Variants in DMD observed in about 807,000 individuals in gnomAD.
The protein encoded by DMD is mutant dystrophin.
A neutral mutation model predicts 330.1 loss-of-function variants in DMD; 63 were observed. The observed-to-expected ratio is 0.19, with a 90% CI of 0.16 to 0.24. The LOEUF (loss-of-function observed/expected upper bound fraction) is 0.24. DMD is among the 10% of genes least tolerant of loss of function. The pLI is 1.00. For missense variants in DMD, 3,344 were observed against 2,684.1 expected, an observed-to-expected ratio of 1.25 and a Z score of -5.43; for synonymous variants, 1,223 against 959.8, an observed-to-expected ratio of 1.27 and a Z score of -5.07.
At chrX:31,627,624 T>C in intron 55 of DMD, 49 bp downstream of exon 55, 1 of 1,168,406 alleles carries the variant, frequency 8.6e-7, no homozygotes, top group Non-Finnish European at 1.2e-6. Context: ...ATGCTGAGAA[T>C]TGTTCAATTG....
At chrX:31,195,472 T>C (rs2042774065) in intron 67 of DMD, among the ~76,000 whole-genome samples, 1 of 111,927 alleles carries the variant, frequency 8.9e-6, no homozygotes, top group South Asian at 3.8e-4. Flanking sequence ...TATATCTGTC[T>C]ATAGGTACCA....
chrX:31,305,219 A>G (rs1023002051), intron 62 of DMD, among the ~76,000 whole-genome samples: 2 of 111,879 alleles, frequency 1.8e-5, no homozygotes, highest in Non-Finnish European at 3.8e-5. Flanking sequence ...TGATCAAGCT[A>G]ATTAACGTAT....
At chrX:32,944,852 C>T (rs906092416) in intron 2 of DMD, among the ~76,000 whole-genome samples, 4 of 110,668 alleles carry the variant, frequency 3.6e-5, no homozygotes, top group Admixed American at 9.7e-5. Flanking sequence ...GTGATCCACC[C>T]GCCTCGGCCT....
intron 42 of DMD, among the ~76,000 whole-genome samples, chrX:32,304,867 C>A (rs1294956459): frequency 9.0e-6 from 1 of 111,335 alleles, no homozygotes; most frequent in Non-Finnish European, 1.9e-5. Context: ...TAAAAATCAT[C>A]TTTTCCACGC....
chrX:32,771,631 A>G (rs777009287), intron 7 of DMD, among the ~76,000 whole-genome samples: 8 of 111,262 alleles, frequency 7.2e-5, no homozygotes, highest in Non-Finnish European at 1.5e-4. Context: ...CACCCCTGAA[A>G]GATGCATAAC....
chrX:31,201,124 G>T, intron 67 of DMD, among the ~76,000 whole-genome samples: 1 of 107,827 alleles, frequency 9.3e-6, no homozygotes, highest in Non-Finnish European at 1.9e-5. Context: ...CCAAGAGCTC[G>T]AGACCAGCCT....
intron 45 of DMD, among the ~76,000 whole-genome samples, chrX:31,941,833 T>C (rs1489806792): frequency 8.9e-6 from 1 of 111,939 alleles, no homozygotes; most frequent in Non-Finnish European, 1.9e-5. Flanking sequence ...GACCTCCAGC[T>C]GCATCCATGT....
At chrX:32,392,660 C>A (rs750561094) in intron 30 of DMD, among the ~76,000 whole-genome samples, 1 of 112,285 alleles carries the variant, frequency 8.9e-6, no homozygotes, top group Non-Finnish European at 1.9e-5. Flanking sequence ...TTCTTCAGCT[C>A]TTTAAATCTG....
chrX:32,702,915 G>A (rs775122057), intron 7 of DMD, among the ~76,000 whole-genome samples: 30 of 111,568 alleles, frequency 2.7e-4, no homozygotes, highest in Admixed American at 7.6e-4. Context: ...GGAAGAGGAC[G>A]AAAGAGGACA....
At chrX:31,972,282 A>C (rs1056577342) in intron 44 of DMD, among the ~76,000 whole-genome samples, 5 of 111,770 alleles carry the variant, frequency 4.5e-5, no homozygotes, top group Non-Finnish European at 9.4e-5. Flanking sequence ...AAGTCTGGTC[A>C]AATTGGGGGA....
chrX:31,563,477 T>C (rs2075308025), intron 55 of DMD, among the ~76,000 whole-genome samples: 1 of 112,341 alleles, frequency 8.9e-6, no homozygotes, highest in African/African-American at 3.2e-5. Flanking sequence ...AAGTTTAATA[T>C]TGGATAAGGC....
In DMD at chrX:33,064,105, T is replaced by C. The variant is rs1025834602; in HGVS notation, c.32-43905A>G. Among the ~76,000 whole-genome samples the C allele has an allele frequency of 2.7e-5, 3 of 111,388 alleles. No individual in the cohort carries two copies. The South Asian group carries it at 1.1e-3, about 43-fold the overall frequency. On this transcript the variant is annotated intron_variant, in intron 1 of 78. Transcript: ENST00000357033. ...ATATATACATATATATGCACATATA[T>C]ACTTCAAACTCATTTTGATAGGGCA...
Position 32,481,343 on chromosome X carries a change from G to C in DMD, c.2803+3576C>G, listed in dbSNP as rs147249598. Among the ~76,000 whole-genome samples the C allele has an allele frequency of 4.9e-3, 543 of 111,534 alleles. 8 individuals are homozygous for C. Among genetic ancestry groups the C allele is most frequent in the East Asian group, 0.022 (78 of 3,527 alleles). On this transcript the variant is annotated intron_variant, in intron 21 of 78. Coordinates refer to ENST00000357033, the MANE Select transcript of DMD (RefSeq NM_004006.3). ...CTCTGTGTGGCTATTCTTTCCACAA[G>C]TCTTCCTGCTTCTCCTCAGACTTGT...
At chrX:32,657,021 G>C (rs993104450) in intron 9 of DMD, among the ~76,000 whole-genome samples, 1 of 110,209 alleles carries the variant, frequency 9.1e-6, no homozygotes, top group Non-Finnish European at 1.9e-5. Flanking sequence ...ATGTGTGTGT[G>C]TGTGTGTGTG....
intron 7 of DMD, among the ~76,000 whole-genome samples, chrX:32,711,262 C>CGACAT (rs1251107947): frequency 8.1e-5 from 9 of 111,327 alleles, no homozygotes; most frequent in Non-Finnish European, 1.5e-4. Flanking sequence ...AAATGTCGGC[C>CGACAT]TCTCTCAAAT....
intron 60 of DMD, among the ~76,000 whole-genome samples, chrX:31,419,050 T>C (rs1010952846): frequency 5.5e-5 from 6 of 109,502 alleles, no homozygotes; most frequent in African/African-American, 1.7e-4. Flanking sequence ...GTTCAAGCAA[T>C]TCTCCTGCCT....
chrX:32,860,052 A>C (rs1387860815), intron 2 of DMD, among the ~76,000 whole-genome samples: 1 of 111,959 alleles, frequency 8.9e-6, no homozygotes, highest in African/African-American at 3.2e-5. Flanking sequence ...ACAACACGAA[A>C]GGACCTAAAA....
chrX:32,356,195 T>G (rs1054362071), intron 37 of DMD, among the ~76,000 whole-genome samples: 1 of 109,500 alleles, frequency 9.1e-6, no homozygotes, highest in Non-Finnish European at 1.9e-5. Context: ...AAATCACTGC[T>G]TAATTATTTT....
chrX:32,127,654 C>T (rs2096668257), intron 44 of DMD, among the ~76,000 whole-genome samples: 1 of 111,834 alleles, frequency 8.9e-6, no homozygotes, highest in Admixed American at 9.6e-5. Flanking sequence ...TCTTTAATAT[C>T]CAGCTGTGTT....
Sources: gnomAD v4.1 joint callset for allele counts (sites outside exome capture counted in the v4.1 genomes callset) on GRCh38, gnomAD v4.1.1 for gene constraint, MANE v1.5 for transcripts, NCBI Gene and HGNC (gene_info 2026-07-23, HGNC 2026-07-21) for gene names.